The following RGS12 variants were observed in gnomAD, a reference collection of about 807,000 sequenced individuals.
The protein encoded by RGS12 is regulator of G protein signaling 12, also known as regulator of G-protein signaling 12.
RGS12 carries 66 observed loss-of-function variants against 120.1 expected under a neutral mutation model. That is an observed-to-expected ratio of 0.55 (90% CI 0.45 to 0.67). The LOEUF (loss-of-function observed/expected upper bound fraction) is 0.67, where lower values mean the gene tolerates loss of function less well. Ranked by LOEUF, RGS12 falls within the 30% of genes least tolerant of loss-of-function variation. The pLI, the probability that RGS12 is intolerant of heterozygous loss-of-function variation, is 0.00. For synonymous variants in RGS12, 827 were observed against 804.7 expected, an observed-to-expected ratio of 1.03 and a Z score of -0.47; for missense variants, 1,859 against 1,957.7, an observed-to-expected ratio of 0.95 and a Z score of 0.95.
chr4:3,391,539 C>A (rs183274416), intron 4 of RGS12, among the ~76,000 whole-genome samples: 49 of 152,334 alleles, frequency 3.2e-4, no homozygotes, highest in Non-Finnish European at 4.1e-4. Flanking sequence ...GGCTGCATCC[C>A]CTCCCCAGAG....
intron 2 of RGS12, among the ~76,000 whole-genome samples, chr4:3,321,136 G>A (rs947877571): frequency 2.0e-5 from 3 of 152,178 alleles, no homozygotes; most frequent in Non-Finnish European, 4.4e-5. Context: ...GAAAAATTCA[G>A]TATACAGAAT....
At chr4:3,376,878 G>A (rs145999770) in intron 3 of RGS12, among the ~76,000 whole-genome samples, 91 of 152,280 alleles carry the variant, frequency 6.0e-4, no homozygotes, top group Non-Finnish European at 1.1e-3. Context: ...GCACCTTTCC[G>A]AGGCCTCAGT....
Position 3,372,167 on chromosome 4 carries a change from T to C in RGS12, c.1999-14249T>C, listed in dbSNP as rs1318497830. On this transcript the variant is annotated intron_variant, in intron 3 of 17. Coordinates refer to ENST00000336727, the MANE Select transcript of RGS12 (RefSeq NM_001394154.1). The surrounding 1 kb of genome is among the most constrained non-coding windows in gnomAD (Gnocchi z 4.3). ...CACGGAGACCCCAGCCCCAAAGAAA[T>C]AGGAATTGCCTGGAGGAAGAGAGCC... is the stretch of plus-strand genomic sequence containing the variant. Among the ~76,000 whole-genome samples the C allele has an allele frequency of 1.3e-5, 2 of 152,010 alleles. No individual in the cohort carries two copies. Among genetic ancestry groups the C allele is most frequent in the Non-Finnish European group, 2.9e-5 (2 of 67,972 alleles).
At chr4:3,388,410 A>G (rs563849051) in intron 4 of RGS12, among the ~76,000 whole-genome samples, 1 of 152,318 alleles carries the variant, frequency 6.6e-6, no homozygotes, top group African/African-American at 2.4e-5. Flanking sequence ...ATCTTGTTTA[A>G]TGTGCACATG....
intron 3 of RGS12, among the ~76,000 whole-genome samples, chr4:3,355,704 A>G (rs942874874): frequency 7.5e-6 from 1 of 133,472 alleles, no homozygotes; most frequent in Non-Finnish European, 1.5e-5. Context: ...CTGAGGTGGG[A>G]GGATTGCCTG....
intron 3 of RGS12, among the ~76,000 whole-genome samples, chr4:3,384,459 G>A (rs1231965628): frequency 1.3e-5 from 2 of 152,184 alleles, no homozygotes; most frequent in African/African-American, 2.4e-5. Context: ...CAGCCTTCCT[G>A]TGATATTATT....
At chr4:3,381,373 A>G (rs1332256891) in intron 3 of RGS12, among the ~76,000 whole-genome samples, 1 of 152,232 alleles carries the variant, frequency 6.6e-6, no homozygotes, top group Non-Finnish European at 1.5e-5. Flanking sequence ...ATTTTCAGAT[A>G]TCTTTACGGC....
chr4:3,396,154 A>C (rs1389281139), intron 4 of RGS12, among the ~76,000 whole-genome samples: 1 of 152,108 alleles, frequency 6.6e-6, no homozygotes, highest in Non-Finnish European at 1.5e-5. Flanking sequence ...CTGTGGATGC[A>C]GAACTGTGGG....
chr4:3,293,411 C>T (rs1723165460), intron 1 of RGS12, among the ~76,000 whole-genome samples: 1 of 147,620 alleles, frequency 6.8e-6, no homozygotes, highest in African/African-American at 2.5e-5. Flanking sequence ...CTGTGAGGCC[C>T]GCCCGGGCCC....
Position 3,366,331 on chromosome 4 carries a change from G to A in RGS12, c.1999-20085G>A, listed in dbSNP as rs1308614286. Among the ~76,000 whole-genome samples, 1 of 152,120 alleles carries A rather than the reference G, an allele frequency of 6.6e-6. No individual in the cohort carries two copies. The highest frequency in any genetic ancestry group is 6.5e-5 in the Admixed American group (1 of 15,270). On this transcript the variant is annotated intron_variant, in intron 3 of 17. Coordinates refer to ENST00000336727, the MANE Select transcript of RGS12 (RefSeq NM_001394154.1). This position sits in a 1 kb window ranked among gnomAD's most constrained non-coding sequence, Gnocchi z 4.0. Reference sequence around the variant, plus strand: ...GAGCCCAGCTGGGGGAGATTTGAGGGCCCTGCCCATAGAGGAGCCACACCT... The same window carrying A: ...GAGCCCAGCTGGGGGAGATTTGAGGACCCTGCCCATAGAGGAGCCACACCT...
At chr4:3,360,806 G>A (rs79688756) in intron 3 of RGS12, among the ~76,000 whole-genome samples, 2 of 152,154 alleles carry the variant, frequency 1.3e-5, no homozygotes, top group African/African-American at 2.4e-5. Flanking sequence ...CACAAAGGCC[G>A]ACGGACCCTG....
rs1275841187 is a variant in RGS12 at position 3,428,162 on chromosome 4, C to T, written c.3404C>T (p.Ser1135Leu). The change falls in exon 15 of 18, where the codon TCG becomes TTG. Residue 1135 changes from serine (S) to leucine (L), a missense_variant. Ser to Leu is a moderately radical substitution (Grantham distance 145). Around this residue, in one of 3 missense-constraint regions of RGS12, gnomAD observed 517 missense variants for 488.5 expected, o/e 1.06. Coordinates refer to ENST00000336727, the MANE Select transcript of RGS12 (RefSeq NM_001394154.1). ...GTAAATTCCAGCTCCAGAAACCACT[C>T]GGCTACGGTAATTCCCCACCCTGGC... ...TAVNSSSRNH[S>L]ATGEERTLGK... 22 of 1,613,296 alleles carry T rather than the reference C, an allele frequency of 1.4e-5. No individual in the cohort carries two copies. Among genetic ancestry groups the T allele is most frequent in the African/African-American group, 2.7e-5 (2 of 74,954 alleles).
At chr4:3,421,028 A>AG (rs1043231904) in intron 10 of RGS12, among the ~76,000 whole-genome samples, 37 of 152,360 alleles carry the variant, frequency 2.4e-4, no homozygotes, top group African/African-American at 8.7e-4. Context: ...GTTGTAATTT[A>AG]GTTTTTGTGA....
At chr4:3,324,049 C>T (rs1725392762) in intron 2 of RGS12, 1 of 152,334 alleles carries the variant, frequency 6.6e-6, no homozygotes, top group African/African-American at 2.4e-5. Flanking sequence ...AGATTTTGGT[C>T]CCAGAGCTAG....
intron 4 of RGS12, among the ~76,000 whole-genome samples, chr4:3,395,151 G>T (rs1339496665): frequency 6.6e-6 from 1 of 151,942 alleles, no homozygotes; most frequent in African/African-American, 2.4e-5. Flanking sequence ...AGAGGTTGCA[G>T]TGAGCAGAGT....
chr4:3,438,760 G>A (rs1030538275), intron 17 of RGS12, among the ~76,000 whole-genome samples: 6 of 152,136 alleles, frequency 3.9e-5, no homozygotes, highest in South Asian at 2.1e-4. Flanking sequence ...TCAGGCAGCC[G>A]GGATCTCCTG....
chr4:3,293,149 G>A (rs1260595548), intron 1 of RGS12, 50 bp downstream of exon 1: 1 of 146,046 alleles, frequency 6.8e-6, no homozygotes, highest in Non-Finnish European at 1.5e-5. Flanking sequence ...CGCCGCCTCC[G>A]CTCTTTCTTT....
chr4:3,430,372 C>T (rs1560178668), intron 16 of RGS12, 35 bp from the exon 17 acceptor site: 7 of 1,571,862 alleles, frequency 4.5e-6, no homozygotes, highest in Non-Finnish European at 6.1e-6. Flanking sequence ...GTGAAACTCT[C>T]TAAAACACGG....
Position 3,415,828 on chromosome 4 carries a change from C to T in RGS12, c.2284-150C>T, listed in dbSNP as rs901377447. ...CCCGCGCAGTGCTGCTGCATTCTGGCCACACTTTTATTTATTTATTCAAGC... is the reference window on the plus strand; with the variant it reads ...CCCGCGCAGTGCTGCTGCATTCTGGTCACACTTTTATTTATTTATTCAAGC... On this transcript the variant is annotated intron_variant, in intron 6 of 17. Transcript: ENST00000336727. The T allele has an allele frequency of 1.4e-5, 11 of 789,762 alleles. No individual in the cohort carries two copies. In the East Asian group the frequency reaches 1.6e-4, roughly 12 times the overall value. 48.9% of individuals were successfully genotyped at this position (789,762 alleles called of 1,614,324 possible).
Sources: allele counts gnomAD v4.1 joint callset (sites outside exome capture counted in the v4.1 genomes callset), GRCh38; gene constraint gnomAD v4.1.1; regional missense constraint gnomAD v4.1.1; non-coding constraint Gnocchi (gnomAD v3.1); transcripts MANE v1.5; gene names NCBI Gene and HGNC (gene_info 2026-07-23, HGNC 2026-07-21).